Variants in RARS1 observed in about 807,000 individuals in gnomAD.
RARS1 encodes arginine--tRNA ligase, cytoplasmic.
RARS1 carries 75 observed loss-of-function variants against 78.7 expected under a neutral mutation model. That is an observed-to-expected ratio of 0.95 (90% CI 0.79 to 1.15). The LOEUF (loss-of-function observed/expected upper bound fraction) is 1.15. Ranked by LOEUF, RARS1 falls within the 50% of genes most tolerant of loss-of-function variation. RARS1 has a pLI of 0.00. For missense variants in RARS1, 787 were observed against 787.5 expected, an observed-to-expected ratio of 1.00 and a Z score of 0.01; for synonymous variants, 273 against 268.2, an observed-to-expected ratio of 1.02 and a Z score of -0.18.
In RARS1 at chr5:168,486,510, G is replaced by C. The variant is rs376089872; in HGVS notation, c.12G>C (p.Leu4=). The C allele has an allele frequency of 1.3e-6, 2 of 1,558,998 alleles. No individual in the cohort carries two copies. Among genetic ancestry groups the C allele is most frequent in the East Asian group, 2.4e-5 (1 of 42,244 alleles). MDV[L]VSECSARLLQ... ...ACGCTGATGGGAGGATGGACGTACT[G>C]GTGTCTGAGTGCTCCGCGCGGCTGC... The change falls in exon 1 of 15, where the codon CTG becomes CTC. Residue 4 remains leucine, a synonymous_variant. Coordinates refer to ENST00000231572, the MANE Select transcript of RARS1 (RefSeq NM_002887.4).
At chr5:168,511,014 A>G (rs190849854) in intron 12 of RARS1, among the ~76,000 whole-genome samples, 2 of 152,252 alleles carry the variant, frequency 1.3e-5, no homozygotes, top group Admixed American at 1.3e-4. Flanking sequence ...ATCAGAGTCT[A>G]CATGTGCCAT....
At position 168,516,949 on chromosome 5, in the gene RARS1, A is replaced by G. The variant is rs948201881; in HGVS notation, c.1624A>G (p.Arg542Gly). The G allele has an allele frequency of 1.9e-6, 3 of 1,613,128 alleles. No homozygotes were observed. The highest frequency in any genetic ancestry group is 2.5e-6 in the Non-Finnish European group (3 of 1,179,136). ...AYLLYAFTRIRSIARLANIDE... is the reference protein window; with the variant it reads ...AYLLYAFTRIGSIARLANIDE... The stretch of plus-strand genomic sequence containing the variant: ...CTTGTTGTATGCCTTCACTAGAATC[A>G]GGTAATTGTGGGTAGGCATTGTTTT... The change falls in exon 13 of 15, where the codon AGG becomes GGG. Residue 542 changes from arginine (R) to glycine (G), a missense_variant and splice_region_variant. Physicochemically the swap from Arg to Gly is moderately radical, Grantham distance 125. Transcript: ENST00000231572.
chr5:168,519,015 G>T, intron 14 of RARS1, 66 bp from the exon 15 acceptor site: 1 of 1,401,318 alleles, frequency 7.1e-7, no homozygotes, highest in Non-Finnish European at 9.9e-7. Flanking sequence ...AAGTAACATA[G>T]ATTCTTTAAT....
chr5:168,489,940 C>T (rs1758048045), intron 2 of RARS1, among the ~76,000 whole-genome samples: 1 of 151,824 alleles, frequency 6.6e-6, no homozygotes, highest in South Asian at 2.1e-4. Context: ...TCAGCCTCCC[C>T]AGTAGCTGGG....
Position 168,494,185 on chromosome 5 carries a change from T to C in RARS1, c.478+183T>C, listed in dbSNP as rs1195695952. ...TCTAGACTCAGCTACCACTTTTAGCTGCCTTATCTTGAATGAGTTACTTTG... is the reference window on the plus strand; with the variant it reads ...TCTAGACTCAGCTACCACTTTTAGCCGCCTTATCTTGAATGAGTTACTTTG... On this transcript the variant is annotated intron_variant, in intron 4 of 14. Coordinates refer to ENST00000231572, the MANE Select transcript of RARS1 (RefSeq NM_002887.4). 5 of 939,020 alleles carry C rather than the reference T, an allele frequency of 5.3e-6. No homozygotes were observed. In the South Asian group the frequency reaches 1.5e-4, roughly 28 times the overall value. 58.2% of individuals were successfully genotyped at this position (939,020 alleles called of 1,614,324 possible).
At chr5:168,493,677 A>G (rs532076508) in intron 3 of RARS1, among the ~76,000 whole-genome samples, 2 of 151,588 alleles carry the variant, frequency 1.3e-5, no homozygotes, top group African/African-American at 4.8e-5. Flanking sequence ...TTTGTGTGTA[A>G]CGTATTTGGA....
intron 1 of RARS1, among the ~76,000 whole-genome samples, chr5:168,487,553 G>A (rs1220579963): frequency 1.3e-5 from 2 of 152,098 alleles, no homozygotes. Flanking sequence ...TTTATTTATC[G>A]GTATGTATTT....
chr5:168,516,741 C>A, intron 12 of RARS1, 37 bp from the exon 13 acceptor site: 1 of 1,603,154 alleles, frequency 6.2e-7, no homozygotes, highest in South Asian at 1.1e-5. Context: ...AAGCAGCAGT[C>A]AGTAAGCTAT....
chr5:168,514,313 C>T (rs899512971), intron 12 of RARS1, among the ~76,000 whole-genome samples: 5 of 152,112 alleles, frequency 3.3e-5, no homozygotes, highest in African/African-American at 7.2e-5. Flanking sequence ...ACTACTTTTC[C>T]GCATTCTGTT....
chr5:168,507,640 A>AG (rs1192718302), intron 11 of RARS1, among the ~76,000 whole-genome samples: 2 of 152,232 alleles, frequency 1.3e-5, no homozygotes, highest in Admixed American at 1.3e-4. Context: ...AGATGTGTTA[A>AG]GGTATTATCT....
chr5:168,517,970 T>G lies in RARS1; in HGVS notation c.1781T>G (p.Leu594Arg). 6.2e-7 allele frequency: 1 copy of G among 1,613,306 alleles called. No individual in the cohort carries two copies. The highest frequency in any genetic ancestry group is 8.5e-7 in the Non-Finnish European group (1 of 1,179,820). ...ILQKILDDLF[L>R]HTLCDYIYEL... ...CAAAAGATTTTAGATGACTTATTTCTCCACACTCTCTGTGATTATATATAT... is the reference window on the plus strand; with the variant it reads ...CAAAAGATTTTAGATGACTTATTTCGCCACACTCTCTGTGATTATATATAT... The change falls in exon 14 of 15, where the codon CTC becomes CGC. Residue 594 changes from leucine (L) to arginine (R), a missense_variant. Leu to Arg is a moderately radical substitution (Grantham distance 102). Transcript: ENST00000231572.
At chr5:168,491,460 A>T (rs865956177) in intron 2 of RARS1, among the ~76,000 whole-genome samples, 1 of 152,254 alleles carries the variant, frequency 6.6e-6, no homozygotes, top group African/African-American at 2.4e-5. Context: ...CCTTGTTTTA[A>T]GTATGTTACC....
chr5:168,506,938 C>A, intron 11 of RARS1, 107 bp downstream of exon 11: 1 of 887,320 alleles, frequency 1.1e-6, no homozygotes, highest in South Asian at 1.6e-5. Context: ...TCCTTTAGTC[C>A]ACATAAGCTA....
In RARS1 at chr5:168,517,874, C is replaced by T; in HGVS notation, c.1685C>T (p.Thr562Ile). Residue 562 changes from threonine (T) to isoleucine (I), a missense_variant, in exon 14 of 15, where the codon ACC (threonine) becomes ATC (isoleucine). Thr to Ile is a moderately conservative substitution (Grantham distance 89). Transcript: ENST00000231572. The stretch of plus-strand genomic sequence containing the variant: ...ATGCTCCAAAAAGCTGCTCGAGAAA[C>T]CAAGATTCTTTTGGATCATGAGAAG... ...EEMLQKAARE[T>I]KILLDHEKEW... 5 of 1,613,564 alleles carry T rather than the reference C, an allele frequency of 3.1e-6. No individual in the cohort carries two copies. The highest frequency in any genetic ancestry group is 4.2e-6 in the Non-Finnish European group (5 of 1,179,940).
chr5:168,513,303 C>T (rs1758602245), intron 12 of RARS1, among the ~76,000 whole-genome samples: 1 of 150,510 alleles, frequency 6.6e-6, no homozygotes, highest in African/African-American at 2.4e-5. Context: ...CGTGATCTGC[C>T]CTGCCACCGT....
chr5:168,499,709 A>T (rs1360613437), intron 7 of RARS1, among the ~76,000 whole-genome samples: 1 of 99,202 alleles, frequency 1.0e-5, no homozygotes, highest in Admixed American at 1.4e-4. Context: ...AAACCACAGT[A>T]AAAAAAAAAG....
chr5:168,495,514 C>T lies in RARS1; in HGVS notation c.701+78C>T, dbSNP rs117805893. On this transcript the variant is annotated intron_variant, in intron 6 of 14. Coordinates refer to ENST00000231572, the MANE Select transcript of RARS1 (RefSeq NM_002887.4). ...AAATTCTATAGAACATGGAATATCT[C>T]ACTCAAGAAAGAACATTCGACTAAA... The T allele has an allele frequency of 4.0e-4, 613 of 1,517,510 alleles. 4 individuals are homozygous for T. In the East Asian group the frequency reaches 0.012, roughly 31 times the overall value. 94.0% of individuals were successfully genotyped at this position (1,517,510 alleles called of 1,614,324 possible). A position where few individuals can be genotyped will look rare whatever the true frequency, so the allele number is the denominator to read the frequency against.
intron 11 of RARS1, among the ~76,000 whole-genome samples, 155 bp downstream of exon 11, chr5:168,506,986 A>G (rs2152905405): frequency 6.6e-6 from 1 of 152,352 alleles, no homozygotes; most frequent in South Asian, 2.1e-4. Context: ...TTGTATCTAT[A>G]TCATCACTGC....
At chr5:168,508,701 G>C (rs1735256727) in intron 11 of RARS1, among the ~76,000 whole-genome samples, 1 of 150,886 alleles carries the variant, frequency 6.6e-6, no homozygotes, top group Non-Finnish European at 1.5e-5. Context: ...AATGCTCACA[G>C]ATTCTATTTT....
Sources: gnomAD v4.1 joint callset for allele counts (sites outside exome capture counted in the v4.1 genomes callset) on GRCh38, gnomAD v4.1.1 for gene constraint, MANE v1.5 for transcripts, NCBI Gene and HGNC (gene_info 2026-07-23, HGNC 2026-07-21) for gene names.